Variants in RUNDC3B observed in about 807,000 individuals in gnomAD.
RUNDC3B encodes the protein RUN domain-containing protein 3B.
RUNDC3B carries 33 observed loss-of-function variants against 58.4 expected under a neutral mutation model. That is an observed-to-expected ratio of 0.56 (90% confidence interval 0.43 to 0.75). The LOEUF (loss-of-function observed/expected upper bound fraction) is 0.75, where lower values mean the gene tolerates loss of function less well. RUNDC3B is among the 30% of genes least tolerant of loss of function. The probability of loss-of-function intolerance (pLI) is 0.00; values close to 1 mark genes in which losing one functional copy is unlikely to be tolerated. For missense variants in RUNDC3B, 501 were observed against 535.7 expected (o/e 0.94, Z 0.64); for synonymous variants, 193 against 195.2 (o/e 0.99, Z 0.10).
At chr7:87,748,578 A>C (rs761358439) in intron 6 of RUNDC3B, among the ~76,000 whole-genome samples, 8 of 152,200 alleles carry the variant, frequency 5.3e-5, no homozygotes, top group Non-Finnish European at 1.0e-4. Context: ...CTGTATGTGT[A>C]TAAAATATGT....
rs373664539 is a variant in RUNDC3B at position 87,741,492 on chromosome 7, G to A, written c.549-7G>A. On this transcript the variant is annotated splice_polypyrimidine_tract_variant and splice_region_variant and intron_variant, in intron 5 of 10. Coordinates refer to ENST00000394654, the MANE Select transcript of RUNDC3B (RefSeq NM_001134405.2). ...TAATAGGAAATATTTATTTTCTATTGTCTTAGTTTCTGCCTAAAGGGAGAG... is the reference window on the plus strand; with the variant it reads ...TAATAGGAAATATTTATTTTCTATTATCTTAGTTTCTGCCTAAAGGGAGAG... 9 of 1,456,650 alleles carry A rather than the reference G, an allele frequency of 6.2e-6. No individual in the cohort carries two copies. Among genetic ancestry groups the A allele is most frequent in the Non-Finnish European group, 8.5e-6 (9 of 1,056,182 alleles). The allele number at this position is 1,456,650 out of a possible 1,614,324, so 90.2% of individuals were successfully genotyped here. A position where few individuals can be genotyped will look rare whatever the true frequency, so the allele number is the denominator to read the frequency against.
At chr7:87,709,113 C>A in intron 3 of RUNDC3B, 1 of 271,376 alleles carries the variant, frequency 3.7e-6, no homozygotes, top group Non-Finnish European at 5.6e-6. Context: ...CACAACTTAT[C>A]CTTATAATAT....
chr7:87,659,184 C>G, intron 2 of RUNDC3B: 1 of 421,316 alleles, frequency 2.4e-6, no homozygotes, highest in Non-Finnish European at 4.7e-6. Flanking sequence ...AACAACAAAA[C>G]TTTGGAATAA....
chr7:87,745,528 G>C (rs1014264403), intron 6 of RUNDC3B, among the ~76,000 whole-genome samples: 2 of 152,024 alleles, frequency 1.3e-5, no homozygotes, highest in Non-Finnish European at 2.9e-5. Context: ...AATTCTTCCT[G>C]AAATAAGCTA....
intron 8 of RUNDC3B, among the ~76,000 whole-genome samples, chr7:87,798,003 G>T (rs914997807): frequency 1.3e-5 from 2 of 152,106 alleles, no homozygotes; most frequent in Non-Finnish European, 2.9e-5. Flanking sequence ...CCAACAGATG[G>T]CATTCTCTCA....
intron 1 of RUNDC3B, among the ~76,000 whole-genome samples, chr7:87,649,250 C>A (rs1240081550): frequency 6.6e-6 from 1 of 152,136 alleles, no homozygotes; most frequent in African/African-American, 2.4e-5. Context: ...TATGTTGGGT[C>A]TTGCCATGAT....
chr7:87,721,149 A>G (rs1248513131), intron 4 of RUNDC3B, among the ~76,000 whole-genome samples: 5 of 151,038 alleles, frequency 3.3e-5, no homozygotes, highest in African/African-American at 4.8e-5. Flanking sequence ...TTATAATTGT[A>G]TATATAATTA....
chr7:87,768,324 C>T (rs1419738962), intron 6 of RUNDC3B, among the ~76,000 whole-genome samples: 3 of 152,160 alleles, frequency 2.0e-5, no homozygotes, highest in Non-Finnish European at 4.4e-5. Flanking sequence ...TGGCCCACAC[C>T]GAGGACTAGA....
chr7:87,736,854 C>CATATAT (rs1831968992), intron 4 of RUNDC3B, among the ~76,000 whole-genome samples: 1 of 55,578 alleles, frequency 1.8e-5, no homozygotes, highest in African/African-American at 7.7e-5. Context: ...TATATATATA[C>CATATAT]CTATATATAT....
chr7:87,684,990 T>C (rs993200861), intron 2 of RUNDC3B, among the ~76,000 whole-genome samples: 30 of 152,026 alleles, frequency 2.0e-4, no homozygotes, highest in Admixed American at 1.2e-3. Context: ...TGTAAAAGTA[T>C]AAAACTCTTA....
intron 4 of RUNDC3B, among the ~76,000 whole-genome samples, chr7:87,720,469 G>A (rs1416937377): frequency 6.6e-6 from 1 of 151,344 alleles, no homozygotes; most frequent in African/African-American, 2.4e-5. Context: ...AGTAACTTAC[G>A]GCTAAGCAAT....
intron 2 of RUNDC3B, among the ~76,000 whole-genome samples, chr7:87,670,407 G>A (rs185391466): frequency 6.6e-6 from 1 of 152,046 alleles, no homozygotes; most frequent in South Asian, 2.1e-4. Context: ...CCTTGGATTG[G>A]GTTTTGCCAT....
At chr7:87,637,651 G>A (rs953440739) in intron 1 of RUNDC3B, among the ~76,000 whole-genome samples, 2 of 151,794 alleles carry the variant, frequency 1.3e-5, no homozygotes, top group African/African-American at 4.8e-5. Flanking sequence ...ATTTATTCTT[G>A]CATATTTGAT....
At chr7:87,812,368 G>A (rs1272981532) in intron 9 of RUNDC3B, among the ~76,000 whole-genome samples, 2 of 152,072 alleles carry the variant, frequency 1.3e-5, no homozygotes, top group Non-Finnish European at 1.5e-5. Flanking sequence ...TAGCACTTTG[G>A]GAGGCCACAG....
At position 87,742,574 on chromosome 7, in the gene RUNDC3B, A is replaced by AG. The variant is rs546390643; in HGVS notation, c.629+995_629+996insG. On this transcript the variant is annotated intron_variant, in intron 6 of 10. Transcript: ENST00000394654. ...GGCTGCGTAGTATTCCATCATAGAT[A>AG]AATAGATAGATAGATAGATAGATAG... Among the ~76,000 whole-genome samples the AG allele has an allele frequency of 1.4e-4, 20 of 144,076 alleles. No individual in the cohort carries two copies. The South Asian group carries it at 2.0e-3, about 14-fold the overall frequency. The allele number at this position is 144,076 out of a possible 152,430, so 94.5% of individuals were successfully genotyped here. A position where few individuals can be genotyped will look rare whatever the true frequency, so the allele number is the denominator to read the frequency against.
At chr7:87,825,910 C>A (rs571034704) in intron 10 of RUNDC3B, among the ~76,000 whole-genome samples, 1 of 152,282 alleles carries the variant, frequency 6.6e-6, no homozygotes, top group African/African-American at 2.4e-5. Flanking sequence ...CTGTATCTAC[C>A]CAGTTCCTGT....
intron 8 of RUNDC3B, among the ~76,000 whole-genome samples, chr7:87,794,347 A>G (rs942192520): frequency 1.3e-5 from 2 of 152,178 alleles, no homozygotes; most frequent in African/African-American, 4.8e-5. Flanking sequence ...AAGCAGGAGA[A>G]TTGCTTGAAC....
chr7:87,638,371 G>GTGTGTA (rs1554449112), intron 1 of RUNDC3B, among the ~76,000 whole-genome samples: 3,418 of 151,742 alleles, frequency 0.023, 37 homozygotes, highest in Middle Eastern at 0.048. Context: ...GTGTGTGTGT[G>GTGTGTA]TGTGTGTGTT....
At chr7:87,687,490 A>G (rs532406039) in intron 2 of RUNDC3B, among the ~76,000 whole-genome samples, 4 of 152,212 alleles carry the variant, frequency 2.6e-5, no homozygotes, top group African/African-American at 9.6e-5. Flanking sequence ...TGTACTTATT[A>G]TGATTATTGT....
Sources: gnomAD v4.1 joint callset for allele counts (sites outside exome capture counted in the v4.1 genomes callset) on GRCh38, gnomAD v4.1.1 for gene constraint, MANE v1.5 for transcripts, NCBI Gene and HGNC (gene_info 2026-07-23, HGNC 2026-07-21) for gene names.